Variants in ITGAV observed in about 807,000 individuals in gnomAD.
ITGAV encodes the protein integrin alpha-V.
Under a neutral mutation model 143.8 loss-of-function variants are expected in ITGAV, and 76 were observed. The observed-to-expected ratio is 0.53, with a 90% CI of 0.44 to 0.64. The LOEUF (loss-of-function observed/expected upper bound fraction) is 0.64, where lower values mean the gene tolerates loss of function less well. Among genes scored for constraint, ITGAV ranks in the 30% least tolerant of loss-of-function variants. The probability of loss-of-function intolerance (pLI) is 0.00; values close to 1 mark genes in which losing one functional copy is unlikely to be tolerated. For missense variants in ITGAV, 1,193 were observed against 1,274.7 expected, an observed-to-expected ratio of 0.94 and a Z score of 0.98; for synonymous variants, 453 against 446.7, an observed-to-expected ratio of 1.01 and a Z score of -0.18.
chr2:186,648,271 T>A (rs1688317037), intron 13 of ITGAV, among the ~76,000 whole-genome samples: 1 of 152,208 alleles, frequency 6.6e-6, no homozygotes, highest in Non-Finnish European at 1.5e-5. Context: ...TTTTTAAGGT[T>A]ATTAATACAC....
chr2:186,618,927 A>T (rs1687444331), intron 2 of ITGAV, among the ~76,000 whole-genome samples: 1 of 152,218 alleles, frequency 6.6e-6, no homozygotes, highest in African/African-American at 2.4e-5. Context: ...AAAGGAAATC[A>T]GTATATCAAA....
At chr2:186,674,069 G>A (rs1390887031) in intron 26 of ITGAV, among the ~76,000 whole-genome samples, 1 of 152,138 alleles carries the variant, frequency 6.6e-6, no homozygotes, top group Non-Finnish European at 1.5e-5. Context: ...GAAATCCTGG[G>A]CTCAAGCAAT....
chr2:186,637,150 A>G, intron 8 of ITGAV, 41 bp downstream of exon 8: 2 of 1,516,038 alleles, frequency 1.3e-6, no homozygotes, highest in Non-Finnish European at 1.8e-6. Context: ...TAAAAAAATT[A>G]GATTAAGTAT....
intron 25 of ITGAV, among the ~76,000 whole-genome samples, 198 bp downstream of exon 25, chr2:186,669,118 G>C (rs1286028831): frequency 6.6e-6 from 1 of 152,182 alleles, no homozygotes; most frequent in Non-Finnish European, 1.5e-5. Context: ...GATGTCTAGT[G>C]AACCACATCT....
At chr2:186,618,434 CT>C (rs1307247193) in intron 2 of ITGAV, among the ~76,000 whole-genome samples, 6 of 152,190 alleles carry the variant, frequency 3.9e-5, no homozygotes, top group Non-Finnish European at 8.8e-5. Flanking sequence ...CATGAATTTT[CT>C]AGCTTAAGCT....
intron 12 of ITGAV, 80 bp downstream of exon 12, chr2:186,641,668 GTCTACACGAGCAAA>G: frequency 1.8e-6 from 2 of 1,112,692 alleles, no homozygotes; most frequent in East Asian, 4.7e-5. Flanking sequence ...ATCTGTAGAA[GTCTACACGAGCAAA>G]TCTCCTTCCT....
chr2:186,637,468 C>T (rs569781862), intron 8 of ITGAV, among the ~76,000 whole-genome samples: 5 of 142,090 alleles, frequency 3.5e-5, no homozygotes, highest in Admixed American at 1.4e-4. Context: ...GCGACAGAGC[C>T]GAGACCCTGT....
intron 14 of ITGAV, among the ~76,000 whole-genome samples, chr2:186,651,226 G>T (rs1462424880): frequency 6.6e-6 from 1 of 152,096 alleles, no homozygotes; most frequent in East Asian, 1.9e-4. Flanking sequence ...TTTGCGATGG[G>T]TCAATTTAAT....
chr2:186,646,893 C>G lies in ITGAV; in HGVS notation c.1351+16C>G. The G allele has an allele frequency of 6.6e-7, 1 of 1,525,198 alleles. No homozygotes were observed. The highest frequency in any genetic ancestry group is 1.3e-5 in the South Asian group (1 of 79,982). The allele number at this position is 1,525,198 out of a possible 1,614,324, so 94.5% of individuals were successfully genotyped here. On this transcript the variant is annotated intron_variant, in intron 13 of 29. Coordinates refer to ENST00000261023, the MANE Select transcript of ITGAV (RefSeq NM_002210.5). ...GGATATCCAGGTGCTTTCTTATCAA[C>G]ACATAGAGCCCTTAGATTTTTCAGT...
At chr2:186,637,920 C>T (rs1308331931) in intron 8 of ITGAV, among the ~76,000 whole-genome samples, 1 of 152,212 alleles carries the variant, frequency 6.6e-6, no homozygotes, top group East Asian at 1.9e-4. Flanking sequence ...ACAGCCACTT[C>T]TACCCCACTT....
chr2:186,674,782 G>A (rs151328511), intron 26 of ITGAV, among the ~76,000 whole-genome samples: 349 of 152,208 alleles, frequency 2.3e-3, no homozygotes, highest in African/African-American at 8.1e-3. Context: ...AAAGTGCTTT[G>A]ATTACAGGAG....
intron 18 of ITGAV, among the ~76,000 whole-genome samples, chr2:186,660,961 C>A (rs1039914326): frequency 1.3e-5 from 2 of 152,092 alleles, no homozygotes; most frequent in Non-Finnish European, 2.9e-5. Context: ...TTAGGGCCCA[C>A]CTTAAAGACG....
rs1688985376 is a variant in ITGAV at position 186,668,803 on chromosome 2, C to T, written c.2475C>T (p.Leu825=). 1.2e-6 allele frequency: 2 copies of T among 1,613,722 alleles called. No homozygotes were observed. The highest frequency in any genetic ancestry group is 2.2e-5 in the East Asian group (1 of 44,840). The change falls in exon 25 of 30, where the codon CTC becomes CTT. Residue 825 remains leucine, a synonymous_variant. Coordinates refer to ENST00000261023, the MANE Select transcript of ITGAV (RefSeq NM_002210.5). ...NGPSSFSKAM[L]HLQWPYKYNN... is the part of the protein sequence containing the mutation. ...CAAGTTCATTCAGCAAGGCAATGCT[C>T]CATCTTCAGTGGCCTTACAAATATA...
At position 186,627,651 on chromosome 2, in the gene ITGAV, T is replaced by G. The variant is rs532904181; in HGVS notation, c.523+2064T>G. On this transcript the variant is annotated intron_variant, in intron 4 of 29. Transcript: ENST00000261023. ...TGGGCCTCTTTTTGTGAATAAAGTT[T>G]TATTGGAATACAGCCACACCCATTT... Among the ~76,000 whole-genome samples, 11 of 152,308 alleles carry G rather than the reference T, an allele frequency of 7.2e-5. No individual in the cohort carries two copies. The South Asian group carries it at 2.3e-3, about 32-fold the overall frequency.
intron 4 of ITGAV, 87 bp downstream of exon 4, chr2:186,625,674 TGTGTGAGA>T: frequency 1.7e-5 from 10 of 574,574 alleles, no homozygotes; most frequent in South Asian, 2.3e-5. Context: ...TGTGTGTGTG[TGTGTGAGA>T]GAGAGAGATA....
At chr2:186,627,575 A>G (rs2105693001) in intron 4 of ITGAV, among the ~76,000 whole-genome samples, 1 of 152,306 alleles carries the variant, frequency 6.6e-6, no homozygotes, top group East Asian at 1.9e-4. Flanking sequence ...ATTTAAAGCC[A>G]TATTTTCTAA....
intron 26 of ITGAV, among the ~76,000 whole-genome samples, chr2:186,675,083 G>A (rs550743969): frequency 6.6e-6 from 1 of 152,260 alleles, no homozygotes; most frequent in South Asian, 2.1e-4. Flanking sequence ...TATAGAAGGT[G>A]GTGAATATTT....
In ITGAV at chr2:186,590,433, A is replaced by G. The variant is rs1489650175; in HGVS notation, c.95A>G (p.Asn32Ser). The change falls in exon 1 of 30, where the codon AAC becomes AGC. Residue 32 changes from asparagine to serine, a missense_variant. By Grantham distance (46) the Asn-to-Ser change is conservative (BLOSUM62 1). Coordinates refer to ENST00000261023, the MANE Select transcript of ITGAV (RefSeq NM_002210.5). ...GLLLPLCRAF[N>S]LDVDSPAEYS... is the part of the protein sequence containing the mutation. ...CTGCTACCTCTGTGCCGCGCCTTCA[A>G]CCTAGACGTGGACAGTCCTGCCGAG... 10 of 1,613,138 alleles carry G rather than the reference A, an allele frequency of 6.2e-6. No homozygotes were observed. The highest frequency in any genetic ancestry group is 8.5e-6 in the Non-Finnish European group (10 of 1,179,832).
intron 4 of ITGAV, 91 bp downstream of exon 4, chr2:186,625,678 T>TGTGTGTGTGA (rs5836988): frequency 0.25 from 111,365 of 441,892 alleles, 7,564 homozygotes; most frequent in East Asian, 0.35. Flanking sequence ...TGTGTGTGTG[T>TGTGTGTGTGA]GAGAGAGAGA....
Sources: gnomAD v4.1 joint callset for allele counts (sites outside exome capture counted in the v4.1 genomes callset) on GRCh38, gnomAD v4.1.1 for gene constraint, MANE v1.5 for transcripts, NCBI Gene and HGNC (gene_info 2026-07-23, HGNC 2026-07-21) for gene names.